The following LVRN variants were observed in gnomAD, a reference collection of about 807,000 sequenced individuals.
LVRN encodes the protein aminopeptidase Q.
A neutral mutation model predicts 111.4 loss-of-function variants in LVRN; 99 were observed. That is an observed-to-expected ratio of 0.89 (90% CI 0.76 to 1.05). The LOEUF is 1.05. Ranked by LOEUF, LVRN falls within the 50% of genes least tolerant of loss-of-function variation. LVRN has a pLI of 0.00. For synonymous variants in LVRN, 488 were observed against 449.5 expected (o/e 1.09, Z -1.08); for missense variants, 1,414 against 1,206.8 (o/e 1.17, Z -2.54).
intron 3 of LVRN, 53 bp from the exon 4 acceptor site, chr5:115,987,760 T>G: frequency 6.3e-7 from 1 of 1,574,902 alleles, no homozygotes; most frequent in Non-Finnish European, 8.6e-7. Context: ...AGACTACCTC[T>G]TTCCAAAATC....
At chr5:116,012,117 A>C (rs553045031) in intron 14 of LVRN, among the ~76,000 whole-genome samples, 1 of 152,312 alleles carries the variant, frequency 6.6e-6, no homozygotes, top group South Asian at 2.1e-4. Flanking sequence ...TGTGCTTGCA[A>C]TATATTATAT....
At chr5:115,984,051 A>T (rs1747788111) in intron 2 of LVRN, among the ~76,000 whole-genome samples, 1 of 152,250 alleles carries the variant, frequency 6.6e-6, no homozygotes, top group Admixed American at 6.5e-5. Flanking sequence ...TTCTCAGATG[A>T]TCCTCACCAC....
rs924000222 is a variant in LVRN at position 116,004,707 on chromosome 5, C to G, written c.2038-1205C>G. ...AGTCTCTTCCTAACAGAAAGATCAA[C>G]CATTAAAAGTCTAGAGAAGGCATCC... On this transcript the variant is annotated intron_variant, in intron 12 of 19. Transcript: ENST00000357872. Among the ~76,000 whole-genome samples the G allele has an allele frequency of 3.3e-5, 5 of 152,086 alleles. 1 individual carries two copies. The highest frequency in any genetic ancestry group is 1.5e-5 in the Non-Finnish European group (1 of 68,022).
intron 1 of LVRN, among the ~76,000 whole-genome samples, chr5:115,965,574 C>T (rs1331402746): frequency 2.0e-5 from 3 of 152,100 alleles, no homozygotes; most frequent in African/African-American, 7.2e-5. Flanking sequence ...CTATTGGCAC[C>T]TCATATGGTT....
At chr5:116,001,303 C>G in intron 10 of LVRN, 64 bp downstream of exon 10, 2 of 1,557,556 alleles carry the variant, frequency 1.3e-6, no homozygotes, top group Non-Finnish European at 1.8e-6. Flanking sequence ...CCAATGGAAT[C>G]CAGCCTGTGG....
chr5:116,024,189 G>A (rs986476468), intron 19 of LVRN, among the ~76,000 whole-genome samples: 1 of 152,100 alleles, frequency 6.6e-6, no homozygotes, highest in Non-Finnish European at 1.5e-5. Flanking sequence ...AAAATTCATT[G>A]ACTTTTACAG....
At chr5:116,014,398 T>C in intron 15 of LVRN, 22 bp from the exon 16 acceptor site, 1 of 1,583,430 alleles carries the variant, frequency 6.3e-7, no homozygotes, top group Non-Finnish European at 8.7e-7. Context: ...ATAAACTGTT[T>C]TTCTTTGACT....
At position 116,026,062 on chromosome 5, in the gene LVRN, C is replaced by A. The variant is rs1748856596; in HGVS notation, c.2917C>A (p.Leu973Met). 1.2e-6 allele frequency: 2 copies of A among 1,613,792 alleles called. No individual in the cohort carries two copies. The highest frequency in any genetic ancestry group is 2.7e-5 in the African/African-American group (2 of 74,914). Reference protein sequence around the residue: ...ANLQTIKNENLKNKKLSARIA... With the variant: ...ANLQTIKNENMKNKKLSARIA... ...CTTACAGACAATAAAGAATGAAAAT[C>A]TGAAAAACAAGAAGCTAAGTGCCAG... The change falls in exon 20 of 20, where the codon CTG becomes ATG. Residue 973 changes from leucine to methionine, a missense_variant. Transcript: ENST00000357872.
At chr5:115,989,848 G>GT (rs1747946247) in intron 4 of LVRN, among the ~76,000 whole-genome samples, 1 of 152,050 alleles carries the variant, frequency 6.6e-6, no homozygotes, top group African/African-American at 2.4e-5. Flanking sequence ...CTATTATTGG[G>GT]TTTTTGGGAG....
chr5:115,989,667 A>C (rs554855565), intron 4 of LVRN, among the ~76,000 whole-genome samples: 5 of 152,312 alleles, frequency 3.3e-5, no homozygotes, highest in African/African-American at 1.2e-4. Flanking sequence ...TAGTTCAGTA[A>C]TTCCACGTAA....
intron 1 of LVRN, among the ~76,000 whole-genome samples, chr5:115,982,123 A>T (rs1048931388): frequency 2.0e-5 from 3 of 152,194 alleles, no homozygotes; most frequent in African/African-American, 7.2e-5. Flanking sequence ...AAGAGCAAGT[A>T]AGCCAAAACA....
intron 19 of LVRN, among the ~76,000 whole-genome samples, 183 bp from the exon 20 acceptor site, chr5:116,025,795 T>G (rs544535652): frequency 6.6e-6 from 1 of 152,190 alleles, no homozygotes; most frequent in Non-Finnish European, 1.5e-5. Context: ...GTAGGTGTGG[T>G]GTTCATCACA....
At chr5:115,987,990 C>T (rs746686454) in intron 4 of LVRN, 51 bp downstream of exon 4, 2 of 1,581,298 alleles carry the variant, frequency 1.3e-6, no homozygotes, top group South Asian at 1.2e-5. Context: ...TATTTGGGCC[C>T]TTGGTTGAGG....
At chr5:115,974,276 A>G (rs1265378385) in intron 1 of LVRN, among the ~76,000 whole-genome samples, 4 of 152,188 alleles carry the variant, frequency 2.6e-5, no homozygotes, top group Admixed American at 1.3e-4. Context: ...CAAGTTGTTC[A>G]TAGGAGGTCA....
chr5:116,008,785 G>A (rs1302779335), intron 13 of LVRN, among the ~76,000 whole-genome samples: 1 of 152,190 alleles, frequency 6.6e-6, no homozygotes, highest in Admixed American at 6.5e-5. Flanking sequence ...AAAGGTGCTA[G>A]TTTAAAGCTA....
At chr5:115,988,926 G>A (rs916038944) in intron 4 of LVRN, among the ~76,000 whole-genome samples, 1 of 152,120 alleles carries the variant, frequency 6.6e-6, no homozygotes, top group Non-Finnish European at 1.5e-5. Flanking sequence ...TTATTTAGAT[G>A]AGAAGTCCAG....
At chr5:115,968,905 T>C (rs765182624) in intron 1 of LVRN, among the ~76,000 whole-genome samples, 1 of 152,036 alleles carries the variant, frequency 6.6e-6, no homozygotes, top group African/African-American at 2.4e-5. Flanking sequence ...AGAGTGTGAG[T>C]GGTTATCCAA....
intron 1 of LVRN, among the ~76,000 whole-genome samples, chr5:115,968,983 G>C (rs1302493944): frequency 6.6e-6 from 1 of 152,148 alleles, no homozygotes; most frequent in East Asian, 1.9e-4. Context: ...GCCCAGATGA[G>C]GGCCCCCATC....
rs182772548 is a variant in LVRN at position 116,007,120 on chromosome 5, G to T, written c.2093+1153G>T. ...CCAAGCTTTCATCATCTCTTGCCTGGCCTATTAAATTAGCCTCCAGCCTTC... is the reference window on the plus strand; with the variant it reads ...CCAAGCTTTCATCATCTCTTGCCTGTCCTATTAAATTAGCCTCCAGCCTTC... On this transcript the variant is annotated intron_variant, in intron 13 of 19. Coordinates refer to ENST00000357872, the MANE Select transcript of LVRN (RefSeq NM_173800.5). Among the ~76,000 whole-genome samples, 57 of 152,190 alleles carry T rather than the reference G, an allele frequency of 3.7e-4. 1 individual carries two copies. The East Asian group carries it at 0.01, about 27-fold the overall frequency.
Sources: allele counts gnomAD v4.1 joint callset (sites outside exome capture counted in the v4.1 genomes callset), GRCh38; gene constraint gnomAD v4.1.1; transcripts MANE v1.5; gene names NCBI Gene and HGNC (gene_info 2026-07-23, HGNC 2026-07-21).